The following BTBD7 variants were observed in gnomAD, a reference collection of about 807,000 sequenced individuals.
The protein encoded by BTBD7 is BTB domain containing 7.
In BTBD7, 38 loss-of-function variants were observed where a neutral mutation model predicts 99.9. That is an observed-to-expected ratio of 0.38 (90% CI 0.29 to 0.50). The LOEUF (loss-of-function observed/expected upper bound fraction) is 0.50, where lower values mean the gene tolerates loss of function less well. Among genes scored for constraint, BTBD7 ranks in the 20% least tolerant of loss-of-function variants. The probability of loss-of-function intolerance (pLI) is 0.93; values close to 1 mark genes in which losing one functional copy is unlikely to be tolerated. For synonymous variants in BTBD7, 520 were observed against 511.4 expected, an observed-to-expected ratio of 1.02 and a Z score of -0.23; for missense variants, 1,170 against 1,394.6, an observed-to-expected ratio of 0.84 and a Z score of 2.57.
intron 4 of BTBD7, among the ~76,000 whole-genome samples, chr14:93,262,985 A>C (rs1251747530): frequency 6.6e-6 from 1 of 152,206 alleles, no homozygotes; most frequent in African/African-American, 2.4e-5. Context: ...ACAAAGGAAA[A>C]GCACAGATGC....
chr14:93,286,069 A>C (rs1432205631), intron 3 of BTBD7, among the ~76,000 whole-genome samples: 1 of 152,086 alleles, frequency 6.6e-6, no homozygotes, highest in African/African-American at 2.4e-5. Context: ...CTGGATAGTG[A>C]ATGTCATCAA....
At chr14:93,316,979 C>A (rs1283317353) in intron 1 of BTBD7, among the ~76,000 whole-genome samples, 1 of 152,156 alleles carries the variant, frequency 6.6e-6, no homozygotes, top group Non-Finnish European at 1.5e-5. Flanking sequence ...GGCTAAGAGT[C>A]CTGTAGTTAA....
intron 3 of BTBD7, among the ~76,000 whole-genome samples, chr14:93,275,658 A>G (rs529413620): frequency 6.6e-6 from 1 of 152,366 alleles, no homozygotes; most frequent in East Asian, 1.9e-4. Flanking sequence ...CCTAGGGTAC[A>G]CAGTATATAA....
At chr14:93,323,211 C>A (rs1308842243) in intron 1 of BTBD7, among the ~76,000 whole-genome samples, 1 of 152,066 alleles carries the variant, frequency 6.6e-6, no homozygotes, top group Non-Finnish European at 1.5e-5. Context: ...AGTTTGGAAC[C>A]AGCCTGGGGA....
In BTBD7 at chr14:93,240,147, T is replaced by C. The variant is rs1056933177; in HGVS notation, c.*2126A>G. The C allele has an allele frequency of 6.6e-6, 1 of 152,492 alleles. No homozygotes were observed. The highest frequency in any genetic ancestry group is 1.5e-5 in the Non-Finnish European group (1 of 68,034). The allele number at this position is 152,492 out of a possible 1,614,324, so 9.4% of individuals were successfully genotyped here. ...TTTAAAAAAGGAGCCTCGAATGCGA[T>C]GCACAGCCGACCTGCAGATTAGTGT... On this transcript the variant is annotated 3_prime_UTR_variant, in exon 11 of 11. Coordinates refer to ENST00000334746, the MANE Select transcript of BTBD7 (RefSeq NM_001002860.4).
chr14:93,288,475 TAA>T, intron 3 of BTBD7: 1 of 724,822 alleles, frequency 1.4e-6, no homozygotes, highest in Non-Finnish European at 2.5e-6. Context: ...ACTGATTCCA[TAA>T]AAAGTTCTTT....
At chr14:93,330,292 T>C (rs777214898) in intron 1 of BTBD7, among the ~76,000 whole-genome samples, 1 of 152,220 alleles carries the variant, frequency 6.6e-6, no homozygotes, top group Non-Finnish European at 1.5e-5. Flanking sequence ...GAAAACATTC[T>C]CCTCAGGAAA....
At chr14:93,290,055 G>A (rs1478769992) in intron 3 of BTBD7, among the ~76,000 whole-genome samples, 1 of 151,820 alleles carries the variant, frequency 6.6e-6, no homozygotes, top group African/African-American at 2.4e-5. Context: ...GTTTCACCAT[G>A]TTGGCCAGGC....
rs1305533064 is a variant in BTBD7 at position 93,263,820 on chromosome 14, G to A, written c.1336C>T (p.His446Tyr). ...SDVFYELSKD[H>Y]LLTAIQSDYL... Reference sequence around the variant, plus strand: ...TCAGACTGGATAGCAGTAAGCAGATGGTCTTTGCTGAGTTCATAAAAAACA... The same window carrying A: ...TCAGACTGGATAGCAGTAAGCAGATAGTCTTTGCTGAGTTCATAAAAAACA... Residue 446 changes from histidine to tyrosine, a missense_variant, in exon 4 of 11, where the codon CAT becomes TAT. Physicochemically the swap from His to Tyr is moderately conservative, Grantham distance 83. Coordinates refer to ENST00000334746, the MANE Select transcript of BTBD7 (RefSeq NM_001002860.4). 6.2e-7 allele frequency: 1 copy of A among 1,614,110 alleles called. No homozygotes were observed. Among genetic ancestry groups the A allele is most frequent in the Admixed American group, 1.7e-5 (1 of 60,024 alleles).
intron 6 of BTBD7, 95 bp from the exon 7 acceptor site, chr14:93,253,885 C>A: frequency 1.8e-6 from 1 of 549,982 alleles, no homozygotes. Context: ...TAAAAATATG[C>A]AAACTTTATC....
At chr14:93,286,029 C>T (rs2052773211) in intron 3 of BTBD7, among the ~76,000 whole-genome samples, 1 of 152,096 alleles carries the variant, frequency 6.6e-6, no homozygotes, top group South Asian at 2.1e-4. Flanking sequence ...TGCCTGGGAC[C>T]CTGGCCACTA....
chr14:93,281,511 ATC>A (rs926917385), intron 3 of BTBD7, among the ~76,000 whole-genome samples: 2 of 152,222 alleles, frequency 1.3e-5, no homozygotes, highest in African/African-American at 4.8e-5. Context: ...TTTTAGTATT[ATC>A]TGTGTTATCT....
intron 1 of BTBD7, among the ~76,000 whole-genome samples, chr14:93,327,064 G>T (rs920457565): frequency 6.6e-6 from 1 of 152,182 alleles, no homozygotes; most frequent in Non-Finnish European, 1.5e-5. Context: ...GGGAGGCTGA[G>T]GCAGGAGGCT....
At chr14:93,315,513 T>A (rs2053190298) in intron 1 of BTBD7, among the ~76,000 whole-genome samples, 1 of 152,224 alleles carries the variant, frequency 6.6e-6, no homozygotes, top group Non-Finnish European at 1.5e-5. Context: ...CATCAGTGGT[T>A]CTGACATGTA....
chr14:93,252,717 T>C (rs28406037), intron 7 of BTBD7, among the ~76,000 whole-genome samples: 26,763 of 152,010 alleles, frequency 0.18, 2,451 homozygotes, highest in Admixed American at 0.23. Flanking sequence ...TGTATACTCA[T>C]TGAGTATACA....
intron 3 of BTBD7, among the ~76,000 whole-genome samples, chr14:93,269,929 G>A (rs925569668): frequency 2.0e-5 from 3 of 152,132 alleles, no homozygotes; most frequent in African/African-American, 7.2e-5. Context: ...CAGTGGCAAT[G>A]AGAGAGGCCC....
intron 1 of BTBD7, among the ~76,000 whole-genome samples, chr14:93,317,198 C>CTT (rs1872707949): frequency 6.6e-6 from 1 of 151,978 alleles, no homozygotes; most frequent in South Asian, 2.1e-4. Context: ...AGAGATGGGG[C>CTT]TTCACTATGT....
chr14:93,296,188 T>C (rs1054935657), intron 1 of BTBD7, 31 bp from the exon 2 acceptor site: 1 of 1,280,828 alleles, frequency 7.8e-7, no homozygotes, highest in Non-Finnish European at 9.9e-7. Context: ...ATTTAATTCA[T>C]TTTTTCAAGT....
chr14:93,257,783 T>C (rs1200684066), intron 5 of BTBD7, among the ~76,000 whole-genome samples: 2 of 152,240 alleles, frequency 1.3e-5, no homozygotes, highest in African/African-American at 4.8e-5. Flanking sequence ...TTAGCCTACA[T>C]ATGTGTAACA....
Sources: gnomAD v4.1 joint callset for allele counts (sites outside exome capture counted in the v4.1 genomes callset) on GRCh38, gnomAD v4.1.1 for gene constraint, MANE v1.5 for transcripts, NCBI Gene and HGNC (gene_info 2026-07-23, HGNC 2026-07-21) for gene names.